The following SCHIP1 variants were observed in gnomAD, a reference collection of about 807,000 sequenced individuals.
SCHIP1 encodes schwannomin interacting protein 1.
SCHIP1 carries 8 observed loss-of-function variants against 29.7 expected under a neutral mutation model. The observed-to-expected ratio is 0.27, with a 90% CI of 0.16 to 0.49. The LOEUF (loss-of-function observed/expected upper bound fraction) is 0.49, where lower values mean the gene tolerates loss of function less well. Ranked by LOEUF, SCHIP1 falls within the 20% of genes least tolerant of loss-of-function variation. The probability of loss-of-function intolerance (pLI) is 0.99; values close to 1 mark genes in which losing one functional copy is unlikely to be tolerated. For synonymous variants in SCHIP1, 76 were observed against 94.9 expected, an observed-to-expected ratio of 0.80 and a Z score of 1.16; for missense variants, 193 against 294.6, an observed-to-expected ratio of 0.66 and a Z score of 2.52.
At chr3:159,424,127 G>C in the SCHIP1 span, among the ~76,000 whole-genome samples, 1 of 151,168 alleles carries the variant, frequency 6.6e-6, no homozygotes, top group Non-Finnish European at 1.5e-5. Context: ...ACTCTAAAAA[G>C]CAGAGCACCT....
the SCHIP1 span, among the ~76,000 whole-genome samples, chr3:159,577,129 T>C: frequency 6.6e-6 from 1 of 152,092 alleles, no homozygotes; most frequent in Admixed American, 6.5e-5. Flanking sequence ...TTTCAAGTAT[T>C]AAAAAAAGTC....
the SCHIP1 span, among the ~76,000 whole-genome samples, chr3:159,681,673 A>G: frequency 6.6e-6 from 1 of 152,182 alleles, no homozygotes; most frequent in Admixed American, 6.5e-5. Flanking sequence ...TGTTCAGGAG[A>G]GGTTTCCCTT....
the SCHIP1 span, among the ~76,000 whole-genome samples, chr3:159,450,804 ATTC>A: frequency 7.4e-6 from 1 of 134,920 alleles, no homozygotes; most frequent in African/African-American, 2.9e-5. Context: ...CACATTTAGT[ATTC>A]TTTTTTTTTT....
chr3:159,696,126 C>A, the SCHIP1 span, among the ~76,000 whole-genome samples: 3 of 152,142 alleles, frequency 2.0e-5, no homozygotes, highest in East Asian at 3.9e-4. Context: ...TGTTCTGAAT[C>A]CCCTTAGCTT....
chr3:159,554,186 T>C, the SCHIP1 span, among the ~76,000 whole-genome samples: 1 of 152,122 alleles, frequency 6.6e-6, no homozygotes, highest in Non-Finnish European at 1.5e-5. Context: ...TTTAAAGCAA[T>C]TGGTTTCTTA....
intron 2 of SCHIP1, among the ~76,000 whole-genome samples, chr3:159,884,482 G>A (rs1284182575): frequency 6.6e-6 from 1 of 151,852 alleles, no homozygotes; most frequent in Non-Finnish European, 1.5e-5. Flanking sequence ...ACCATGTGTT[G>A]TCTCAGAGAG....
At chr3:159,565,736 AT>A in the SCHIP1 span, among the ~76,000 whole-genome samples, 512 of 152,264 alleles carry the variant, frequency 3.4e-3, 4 homozygotes, top group African/African-American at 0.012. Context: ...TCTTAAATAC[AT>A]TTTTTCTTTC....
the SCHIP1 span, among the ~76,000 whole-genome samples, chr3:159,773,224 A>T: frequency 6.6e-6 from 1 of 152,180 alleles, no homozygotes; most frequent in East Asian, 1.9e-4. Flanking sequence ...TGCACTTTCT[A>T]CTGTCACAGG....
At chr3:159,740,855 A>T in the SCHIP1 span, among the ~76,000 whole-genome samples, 1 of 151,462 alleles carries the variant, frequency 6.6e-6, no homozygotes, top group Non-Finnish European at 1.5e-5. Context: ...CATTTGAACT[A>T]GGTCACCTTC....
the SCHIP1 span, among the ~76,000 whole-genome samples, chr3:159,774,381 AT>A: frequency 6.6e-6 from 1 of 152,230 alleles, no homozygotes; most frequent in Non-Finnish European, 1.5e-5. Context: ...AGATAAAAAA[AT>A]AATAAAATAA....
chr3:159,691,737 C>T, the SCHIP1 span, among the ~76,000 whole-genome samples: 1 of 152,074 alleles, frequency 6.6e-6, no homozygotes, highest in Non-Finnish European at 1.5e-5. Flanking sequence ...GTGACTAGTA[C>T]CAGTTTTTCC....
At chr3:159,331,745 G>C in the SCHIP1 span, among the ~76,000 whole-genome samples, 86 of 152,118 alleles carry the variant, frequency 5.7e-4, no homozygotes, top group Non-Finnish European at 1.1e-3. Context: ...TTAGCCTCTT[G>C]ACTTTCTCTC....
chr3:159,417,973 G>A, the SCHIP1 span, among the ~76,000 whole-genome samples: 1 of 152,106 alleles, frequency 6.6e-6, no homozygotes, highest in Non-Finnish European at 1.5e-5. Flanking sequence ...AGATATATGA[G>A]TTGATCAACA....
chr3:159,309,803 C>T, the SCHIP1 span, among the ~76,000 whole-genome samples: 15 of 152,184 alleles, frequency 9.9e-5, no homozygotes, highest in African/African-American at 1.4e-4. Context: ...GAGCACTTTG[C>T]GGGGTCCACC....
At chr3:159,794,750 T>G in the SCHIP1 span, among the ~76,000 whole-genome samples, 1 of 152,194 alleles carries the variant, frequency 6.6e-6, no homozygotes, top group African/African-American at 2.4e-5. Context: ...CAAAAATGAT[T>G]AGGAGCTCCT....
chr3:159,710,583 C>T, the SCHIP1 span, among the ~76,000 whole-genome samples: 2 of 152,132 alleles, frequency 1.3e-5, no homozygotes, highest in African/African-American at 2.4e-5. Context: ...AGGGGACAGA[C>T]ATGTTAATGA....
chr3:159,858,973 G>A (rs1713727132), intron 1 of SCHIP1, among the ~76,000 whole-genome samples: 1 of 152,234 alleles, frequency 6.6e-6, no homozygotes, highest in Non-Finnish European at 1.5e-5. Flanking sequence ...TGGATGTTTA[G>A]TGTAAGTGAC....
the SCHIP1 span, among the ~76,000 whole-genome samples, chr3:159,540,912 G>A: frequency 3.3e-5 from 5 of 152,100 alleles, no homozygotes; most frequent in South Asian, 2.1e-4. Flanking sequence ...CCCTCAACTT[G>A]CCTGTCAAGG....
the SCHIP1 span, among the ~76,000 whole-genome samples, chr3:159,496,994 C>T: frequency 6.6e-6 from 1 of 152,160 alleles, no homozygotes; most frequent in African/African-American, 2.4e-5. Flanking sequence ...TCTCAGCAAA[C>T]TGTCGCAAGG....
Sources: allele counts gnomAD v4.1 joint callset (sites outside exome capture counted in the v4.1 genomes callset), GRCh38; gene constraint gnomAD v4.1.1; transcripts MANE v1.5; gene names NCBI Gene and HGNC (gene_info 2026-07-23, HGNC 2026-07-21).